Variants in DLGAP2 observed in about 807,000 individuals in gnomAD.
DLGAP2 encodes disks large-associated protein 2.
DLGAP2 carries 26 observed loss-of-function variants against 100.3 expected under a neutral mutation model. The ratio of observed to expected loss-of-function variants is 0.26; its 90% CI spans 0.19 to 0.36. The LOEUF is 0.36. DLGAP2 is among the 10% of genes least tolerant of loss of function. DLGAP2 has a pLI of 1.00. For missense variants in DLGAP2, 1,858 were observed against 1,453.2 expected (o/e 1.28, Z -4.53); for synonymous variants, 886 against 630.1 (o/e 1.41, Z -6.08).
At chr8:1,486,295 G>T (rs550010693) in intron 3 of DLGAP2, among the ~76,000 whole-genome samples, 2 of 152,216 alleles carry the variant, frequency 1.3e-5, no homozygotes, top group African/African-American at 4.8e-5. Flanking sequence ...TGCAGTCTGC[G>T]TGTTCAAAGA....
rs552438079 is a variant in DLGAP2, at chr8:1,685,394, A to G, written c.2705-6141A>G. 2.0e-3 allele frequency among the ~76,000 whole-genome samples: 307 copies of G among 152,340 alleles called. 3 individuals are homozygous for G. The highest frequency in any genetic ancestry group is 7.1e-3 in the African/African-American group (294 of 41,586). ...GATGCCTGTGCACATATTGGCAGCT[A>G]CCAGCCTTAGGGGTCAATGTATCAC... On this transcript the variant is annotated intron_variant, in intron 12 of 14. Coordinates refer to ENST00000637795, the MANE Select transcript of DLGAP2 (RefSeq NM_001346810.2).
chr8:751,036 C>T (rs1352420360), intron 1 of DLGAP2, among the ~76,000 whole-genome samples: 6 of 152,080 alleles, frequency 3.9e-5, no homozygotes, highest in Non-Finnish European at 5.9e-5. Flanking sequence ...CACCCTCTCA[C>T]GGAAAGGAGC....
At chr8:955,358 A>C (rs1799572941) in intron 2 of DLGAP2, among the ~76,000 whole-genome samples, 2 of 152,100 alleles carry the variant, frequency 1.3e-5, no homozygotes, top group East Asian at 1.9e-4. Context: ...CAATGTCAGA[A>C]GCAGGTGCGT....
intron 2 of DLGAP2, among the ~76,000 whole-genome samples, chr8:1,242,252 G>A (rs554194972): frequency 6.6e-6 from 1 of 152,312 alleles, no homozygotes; most frequent in Non-Finnish European, 1.5e-5. Context: ...GTGGAAGAGG[G>A]GAGGTCGGGG....
chr8:864,417 C>T (rs117605766), intron 1 of DLGAP2, among the ~76,000 whole-genome samples: 20 of 152,192 alleles, frequency 1.3e-4, no homozygotes, highest in Admixed American at 2.6e-4. Context: ...CACAAAGTCT[C>T]TGTGGATTGG....
At chr8:1,180,482 C>T (rs889507913) in intron 2 of DLGAP2, among the ~76,000 whole-genome samples, 3 of 152,270 alleles carry the variant, frequency 2.0e-5, no homozygotes, top group African/African-American at 7.2e-5. Flanking sequence ...GCAGGAGCCA[C>T]CGTGCCCAGC....
At chr8:1,565,560 T>G in intron 5 of DLGAP2, 123 bp from the exon 6 acceptor site, 2 of 743,880 alleles carry the variant, frequency 2.7e-6, no homozygotes, top group Non-Finnish European at 4.3e-6. Flanking sequence ...TGACTTTAAC[T>G]GATAAATGAC....
In DLGAP2 at chr8:1,614,664, A is replaced by G. The variant is rs541228725; in HGVS notation, c.1443-12076A>G. On this transcript the variant is annotated intron_variant, in intron 6 of 14. Transcript: ENST00000637795. ...TGCTGGGCTCCCCAAACCAACAACT[A>G]CAGCAGCAGAACTGATATGCAGGTT... 6.8e-4 allele frequency among the ~76,000 whole-genome samples: 104 copies of G among 152,300 alleles called. No individual in the cohort carries two copies. In the Middle Eastern group the frequency reaches 0.01, roughly 15 times the overall value.
chr8:1,331,712 G>A (rs1233858671), intron 3 of DLGAP2, among the ~76,000 whole-genome samples: 1 of 152,188 alleles, frequency 6.6e-6, no homozygotes, highest in Non-Finnish European at 1.5e-5. Context: ...ACTTATAGAA[G>A]GGTCCTTCCG....
chr8:973,992 A>T (rs887860387), intron 2 of DLGAP2, among the ~76,000 whole-genome samples: 9 of 152,170 alleles, frequency 5.9e-5, no homozygotes, highest in African/African-American at 1.9e-4. Context: ...AGATTTTTTT[A>T]AAAATGGAAC....
chr8:1,318,736 T>A (rs1479334057), intron 3 of DLGAP2, among the ~76,000 whole-genome samples: 1 of 151,876 alleles, frequency 6.6e-6, no homozygotes, highest in African/African-American at 2.4e-5. Flanking sequence ...ACTTAATATA[T>A]TTTTACTGTT....
At chr8:1,429,323 T>C (rs1178810675) in intron 3 of DLGAP2, among the ~76,000 whole-genome samples, 1 of 152,160 alleles carries the variant, frequency 6.6e-6, no homozygotes, top group Non-Finnish European at 1.5e-5. Context: ...ACATAGGAAC[T>C]AAAAGTGCTG....
At chr8:1,598,061 C>T (rs1350210516) in intron 6 of DLGAP2, among the ~76,000 whole-genome samples, 1 of 152,108 alleles carries the variant, frequency 6.6e-6, no homozygotes, top group African/African-American at 2.4e-5. Flanking sequence ...TTATTGAGAG[C>T]TTTTAGCATG....
intron 3 of DLGAP2, among the ~76,000 whole-genome samples, chr8:1,267,465 C>T (rs191099535): frequency 6.8e-6 from 1 of 147,120 alleles, no homozygotes; most frequent in Admixed American, 6.8e-5. Context: ...AATTGGGAGG[C>T]TGAGAATCGC....
At chr8:1,528,310 C>T (rs189929366) in intron 4 of DLGAP2, among the ~76,000 whole-genome samples, 11 of 152,330 alleles carry the variant, frequency 7.2e-5, no homozygotes, top group South Asian at 4.1e-4. Context: ...CCTGAGCCCA[C>T]GAACACTCCT....
chr8:1,040,561 T>C (rs1287683712), intron 2 of DLGAP2, among the ~76,000 whole-genome samples: 25 of 91,254 alleles, frequency 2.7e-4, no homozygotes, highest in African/African-American at 3.1e-4. Context: ...GCTCGGTGCG[T>C]GTGGTCGGCT....
At chr8:819,156 G>T (rs1407181223) in intron 1 of DLGAP2, among the ~76,000 whole-genome samples, 1 of 152,222 alleles carries the variant, frequency 6.6e-6, no homozygotes, top group African/African-American at 2.4e-5. Flanking sequence ...ATGTTAGCCA[G>T]TTGAATCTAG....
chr8:1,017,918 G>C (rs1427237903), intron 2 of DLGAP2, among the ~76,000 whole-genome samples: 1 of 152,222 alleles, frequency 6.6e-6, no homozygotes, highest in Non-Finnish European at 1.5e-5. Context: ...ATTGGACACA[G>C]CCACACCTAT....
chr8:888,443 G>T (rs145123310), intron 1 of DLGAP2, among the ~76,000 whole-genome samples: 3 of 152,208 alleles, frequency 2.0e-5, no homozygotes, highest in African/African-American at 7.2e-5. Flanking sequence ...ATTTGGAGAA[G>T]ATAAGACCCT....
Sources: gnomAD v4.1 joint callset for allele counts (sites outside exome capture counted in the v4.1 genomes callset) on GRCh38, gnomAD v4.1.1 for gene constraint, MANE v1.5 for transcripts, NCBI Gene and HGNC (gene_info 2026-07-23, HGNC 2026-07-21) for gene names.